MITF: variants seen among roughly 807,000 people sequenced by gnomAD.
The protein encoded by MITF is microphthalmia-associated transcription factor.
MITF carries 17 observed loss-of-function variants against 60.5 expected under a neutral mutation model. That is an observed-to-expected ratio of 0.28 (90% confidence interval 0.19 to 0.42). The LOEUF is 0.42. Among genes scored for constraint, MITF ranks in the 10% least tolerant of loss-of-function variants. The pLI is 1.00. For missense variants in MITF, 622 were observed against 683.5 expected (o/e 0.91, Z 1.00); for synonymous variants, 260 against 248.5 (o/e 1.05, Z -0.43).
At chr3:69,882,669 C>CT (rs1450179214) in intron 2 of MITF, among the ~76,000 whole-genome samples, 1 of 152,054 alleles carries the variant, frequency 6.6e-6, no homozygotes, top group Admixed American at 6.6e-5. Flanking sequence ...TTTGATGTAG[C>CT]TTTTTTCAAA....
chr3:69,889,358 A>G (rs558541778), intron 2 of MITF, among the ~76,000 whole-genome samples: 1 of 151,798 alleles, frequency 6.6e-6, no homozygotes, highest in Non-Finnish European at 1.5e-5. Context: ...TATAAAATGG[A>G]GGTAATAATA....
chr3:69,953,814 G>A (rs13325308), intron 7 of MITF, among the ~76,000 whole-genome samples: 3,057 of 151,878 alleles, frequency 0.02, 111 homozygotes, highest in African/African-American at 0.068. Context: ...CTTTGAGTTA[G>A]GGGTCATCTA....
chr3:69,835,226 G>A (rs966040423), intron 1 of MITF, among the ~76,000 whole-genome samples: 2 of 151,884 alleles, frequency 1.3e-5, no homozygotes, highest in African/African-American at 2.4e-5. Context: ...CCACGTTGCC[G>A]AGACTGGTCT....
chr3:69,902,176 A>C (rs1424344199), intron 2 of MITF, among the ~76,000 whole-genome samples: 1 of 152,170 alleles, frequency 6.6e-6, no homozygotes, highest in Non-Finnish European at 1.5e-5. Context: ...TCTATTAGGA[A>C]GAATTGCATT....
intron 1 of MITF, among the ~76,000 whole-genome samples, chr3:69,757,039 TTA>T (rs1704176817): frequency 6.6e-6 from 1 of 152,180 alleles, no homozygotes; most frequent in Non-Finnish European, 1.5e-5. Context: ...TAGACCTTTG[TTA>T]GATGGATAGA....
intron 1 of MITF, among the ~76,000 whole-genome samples, chr3:69,741,599 A>G (rs1178830063): frequency 6.6e-6 from 1 of 152,190 alleles, no homozygotes; most frequent in Non-Finnish European, 1.5e-5. Context: ...AAATGTGGGT[A>G]TGTGGGAAGA....
At chr3:69,820,767 C>G (rs2063256642) in intron 1 of MITF, among the ~76,000 whole-genome samples, 1 of 152,166 alleles carries the variant, frequency 6.6e-6, no homozygotes, top group African/African-American at 2.4e-5. Flanking sequence ...GCCTGCCCAA[C>G]ACTCTGCACT....
rs72950061 is a variant in MITF at position 69,942,555 on chromosome 3, C to T, written c.762+1224C>T. On this transcript the variant is annotated intron_variant, in intron 5 of 9. Coordinates refer to ENST00000352241, the MANE Select transcript of MITF (RefSeq NM_001354604.2). ...TGAGGACTTCCCTTGAAACCTCAAG[C>T]TTCTTTTATGATATTTAGAGTTTGT... Among the ~76,000 whole-genome samples, 804 of 152,114 alleles carry T rather than the reference C, an allele frequency of 5.3e-3. 7 individuals are homozygous for T. Among genetic ancestry groups the T allele is most frequent in the African/African-American group, 0.019 (781 of 41,526 alleles).
chr3:69,771,031 C>T (rs947382319), intron 1 of MITF, among the ~76,000 whole-genome samples: 19 of 152,100 alleles, frequency 1.2e-4, no homozygotes, highest in African/African-American at 4.1e-4. Context: ...TGACAGCAAC[C>T]GCTTCTCTCA....
chr3:69,779,908 C>T (rs1378733072), intron 1 of MITF, among the ~76,000 whole-genome samples: 1 of 152,010 alleles, frequency 6.6e-6, no homozygotes, highest in Non-Finnish European at 1.5e-5. Context: ...GTCCTAGTAG[C>T]TGTGGACTAG....
chr3:69,938,757 A>C, intron 3 of MITF: 4 of 1,315,346 alleles, frequency 3.0e-6, no homozygotes, highest in Non-Finnish European at 3.9e-6. Context: ...TGAGATGATG[A>C]GCTTCATCTC....
At chr3:69,859,747 A>G (rs1322284842) in intron 1 of MITF, among the ~76,000 whole-genome samples, 2 of 152,184 alleles carry the variant, frequency 1.3e-5, no homozygotes, top group Admixed American at 1.3e-4. Context: ...AGAGACATTC[A>G]TATTCTTATT....
intron 1 of MITF, among the ~76,000 whole-genome samples, chr3:69,744,705 C>T (rs1047262495): frequency 3.3e-5 from 5 of 152,198 alleles, no homozygotes; most frequent in Non-Finnish European, 4.4e-5. Flanking sequence ...CTGTGGTTGT[C>T]TTCTCTAAGG....
At chr3:69,940,462 T>A (rs567593766) in intron 4 of MITF, among the ~76,000 whole-genome samples, 3 of 152,244 alleles carry the variant, frequency 2.0e-5, no homozygotes, top group Non-Finnish European at 4.4e-5. Context: ...TTGTTTATTA[T>A]CATAACTTAT....
chr3:69,873,539 G>A (rs2064284671), intron 1 of MITF, among the ~76,000 whole-genome samples: 2 of 152,110 alleles, frequency 1.3e-5, no homozygotes, highest in Admixed American at 6.5e-5. Context: ...ATAAAGGGCC[G>A]TTGGAAGTTT....
intron 2 of MITF, among the ~76,000 whole-genome samples, chr3:69,921,498 TTGA>T (rs1371167832): frequency 1.3e-5 from 2 of 152,238 alleles, no homozygotes; most frequent in Non-Finnish European, 2.9e-5. Context: ...TTGATCGTTC[TTGA>T]TTTATAGCAT....
chr3:69,772,418 T>G (rs2062407672), intron 1 of MITF, among the ~76,000 whole-genome samples: 1 of 152,244 alleles, frequency 6.6e-6, no homozygotes, highest in Non-Finnish European at 1.5e-5. Flanking sequence ...CTAGTCTCTT[T>G]TTTGGGATGT....
At chr3:69,837,907 GT>G (rs1266107112) in intron 1 of MITF, among the ~76,000 whole-genome samples, 1 of 152,134 alleles carries the variant, frequency 6.6e-6, no homozygotes, top group African/African-American at 2.4e-5. Context: ...GTCCCCAAGG[GT>G]TTTTTGAAGT....
chr3:69,879,977 T>A (rs536560412), intron 2 of MITF, among the ~76,000 whole-genome samples: 7 of 152,190 alleles, frequency 4.6e-5, no homozygotes, highest in Non-Finnish European at 1.0e-4. Flanking sequence ...ACATATAGCT[T>A]CCTAATTACT....
Sources: allele counts gnomAD v4.1 joint callset (sites outside exome capture counted in the v4.1 genomes callset), GRCh38; gene constraint gnomAD v4.1.1; transcripts MANE v1.5; gene names NCBI Gene and HGNC (gene_info 2026-07-23, HGNC 2026-07-21).